LRP1B: variants seen among roughly 807,000 people sequenced by gnomAD.
The protein encoded by LRP1B is LDL receptor related protein 1B.
In LRP1B, 217 loss-of-function variants were observed where a neutral mutation model predicts 556.6. The ratio of observed to expected loss-of-function variants is 0.39; its 90% CI spans 0.35 to 0.44. The LOEUF is 0.44. LRP1B is among the 20% of genes least tolerant of loss of function. LRP1B has a pLI of 1.00. For missense variants in LRP1B, 5,053 were observed against 5,620.8 expected (o/e 0.90, Z 3.23); for synonymous variants, 2,047 against 1,865.8 (o/e 1.10, Z -2.50).
At chr2:140,638,362 C>T (rs1684149246) in intron 41 of LRP1B, among the ~76,000 whole-genome samples, 1 of 152,026 alleles carries the variant, frequency 6.6e-6, no homozygotes, top group South Asian at 2.1e-4. Context: ...CTTTCTTACC[C>T]CCAATTTAAA....
chr2:141,551,374 A>C (rs536614485), intron 2 of LRP1B, among the ~76,000 whole-genome samples: 2 of 152,166 alleles, frequency 1.3e-5, no homozygotes, highest in African/African-American at 4.8e-5. Flanking sequence ...TCTAAAACTT[A>C]TCAGGGAACG....
intron 41 of LRP1B, among the ~76,000 whole-genome samples, chr2:140,628,414 G>A (rs532167900): frequency 4.1e-4 from 62 of 152,050 alleles, no homozygotes; most frequent in African/African-American, 1.3e-3. Flanking sequence ...GCGGGTGCCT[G>A]TAGTCCCAGC....
intron 6 of LRP1B, among the ~76,000 whole-genome samples, chr2:141,226,160 G>A (rs1435519145): frequency 6.6e-6 from 1 of 151,680 alleles, no homozygotes; most frequent in African/African-American, 2.4e-5. Flanking sequence ...CCCTGTTGCA[G>A]ATAGTCTTTC....
chr2:140,694,778 C>A (rs1366421766), intron 41 of LRP1B, among the ~76,000 whole-genome samples: 1 of 152,002 alleles, frequency 6.6e-6, no homozygotes. Context: ...TAATTAATTT[C>A]TTATTAATGA....
rs770891594 is a variant in LRP1B, at chr2:141,247,290, G to A, written c.528C>T (p.Tyr176=). The change falls in exon 5 of 91, where the codon TAC becomes TAT. Residue 176 remains tyrosine, a synonymous_variant. Transcript: ENST00000389484. ...SQTCRNTHGS[Y]TCSCVEGYLM... is the part of the protein sequence containing the mutation. ...GGTAGCCTTCCACACAACTGCAAGT[G>A]TAGGATCCATGTGTGTTTCTGCAGG... 6.2e-7 allele frequency: 1 copy of A among 1,613,672 alleles called. No individual in the cohort carries two copies. The highest frequency in any genetic ancestry group is 1.3e-5 in the African/African-American group (1 of 74,908).
rs1687767072 is a variant in LRP1B, at chr2:141,602,073, T to A, written c.206-121540A>T. Among the ~76,000 whole-genome samples the A allele has an allele frequency of 2.0e-5, 3 of 152,164 alleles. No homozygotes were observed. The South Asian group carries it at 6.2e-4, about 31-fold the overall frequency. On this transcript the variant is annotated intron_variant, in intron 2 of 90. Coordinates refer to ENST00000389484, the MANE Select transcript of LRP1B (RefSeq NM_018557.3). ...TGAATTAGCCTAAACATAGCTACCA[T>A]GCCGTCTATCATCCACCAAGAGCTC... is the stretch of plus-strand genomic sequence containing the variant.
chr2:141,080,393 G>C (rs1467323889), intron 7 of LRP1B, among the ~76,000 whole-genome samples: 2 of 151,940 alleles, frequency 1.3e-5, no homozygotes, highest in African/African-American at 4.8e-5. Flanking sequence ...TCATAGTTTT[G>C]GTTCCAGCCC....
intron 2 of LRP1B, among the ~76,000 whole-genome samples, chr2:141,789,835 C>T (rs1179187862): frequency 1.3e-5 from 2 of 151,914 alleles, no homozygotes; most frequent in Admixed American, 6.6e-5. Flanking sequence ...AGTTTCCCTC[C>T]GATCTTCCTC....
In LRP1B at chr2:142,006,298, G is replaced by C. The variant is rs145393314; in HGVS notation, c.82+124350C>G. Among the ~76,000 whole-genome samples, 1,034 of 152,108 alleles carry C rather than the reference G, an allele frequency of 6.8e-3. 11 individuals are homozygous for C. The highest frequency in any genetic ancestry group is 0.023 in the African/African-American group (967 of 41,484). ...ACTAATTACAAATATGCAATAGAAG[G>C]GTTAATCAAAACATTCTGGAAAACA... On this transcript the variant is annotated intron_variant, in intron 1 of 90. Transcript: ENST00000389484.
intron 6 of LRP1B, among the ~76,000 whole-genome samples, chr2:141,207,326 G>T (rs1044230204): frequency 2.0e-5 from 3 of 152,080 alleles, no homozygotes; most frequent in African/African-American, 7.2e-5. Context: ...AAATAATTTT[G>T]ATTTTGTCTA....
intron 1 of LRP1B, among the ~76,000 whole-genome samples, chr2:141,955,293 A>C (rs943569471): frequency 1.3e-5 from 2 of 152,088 alleles, no homozygotes; most frequent in East Asian, 1.9e-4. Context: ...TACTAAGTTC[A>C]TGTATTGTCA....
chr2:141,118,998 T>C (rs1047933306), intron 7 of LRP1B, among the ~76,000 whole-genome samples: 1 of 151,874 alleles, frequency 6.6e-6, no homozygotes, highest in Non-Finnish European at 1.5e-5. Flanking sequence ...AGCTAAGATT[T>C]CCATATTGCA....
chr2:140,912,167 G>A (rs1264666441), intron 21 of LRP1B, among the ~76,000 whole-genome samples: 3 of 151,616 alleles, frequency 2.0e-5, no homozygotes, highest in Non-Finnish European at 3.0e-5. Context: ...ATAAGAAGGC[G>A]AACCAAGTAT....
At chr2:140,324,675 TAGA>T (rs1308781566) in intron 80 of LRP1B, among the ~76,000 whole-genome samples, 1 of 152,068 alleles carries the variant, frequency 6.6e-6, no homozygotes, top group East Asian at 1.9e-4. Flanking sequence ...AGAGATTTTA[TAGA>T]ATAATTATTC....
intron 43 of LRP1B, among the ~76,000 whole-genome samples, chr2:140,588,879 G>A (rs1682101051): frequency 6.6e-6 from 1 of 151,014 alleles, no homozygotes; most frequent in Admixed American, 6.6e-5. Flanking sequence ...AGAATCTCTT[G>A]AACCCAGGAG....
intron 31 of LRP1B, among the ~76,000 whole-genome samples, chr2:140,828,273 A>T (rs935026815): frequency 1.3e-5 from 2 of 152,210 alleles, no homozygotes; most frequent in African/African-American, 2.4e-5. Context: ...TTACTTATCA[A>T]AAATAACATT....
intron 1 of LRP1B, among the ~76,000 whole-genome samples, chr2:141,877,268 A>C (rs1698798360): frequency 6.6e-6 from 1 of 151,966 alleles, no homozygotes; most frequent in Non-Finnish European, 1.5e-5. Context: ...CTGGGGTAGC[A>C]AAGACAATTA....
chr2:141,694,030 G>C (rs1311556883), intron 2 of LRP1B, among the ~76,000 whole-genome samples: 1 of 151,962 alleles, frequency 6.6e-6, no homozygotes, highest in African/African-American at 2.4e-5. Flanking sequence ...ACAAAAAGAG[G>C]GGAACTTTGA....
chr2:141,482,037 A>C (rs1682936954), intron 2 of LRP1B, among the ~76,000 whole-genome samples: 1 of 152,288 alleles, frequency 6.6e-6, no homozygotes, highest in African/African-American at 2.4e-5. Context: ...TAGTTGAGGT[A>C]AAATAATAAT....
Sources: allele counts gnomAD v4.1 joint callset (sites outside exome capture counted in the v4.1 genomes callset), GRCh38; gene constraint gnomAD v4.1.1; transcripts MANE v1.5; gene names NCBI Gene and HGNC (gene_info 2026-07-23, HGNC 2026-07-21).